DAB1: variants seen among roughly 807,000 people sequenced by gnomAD.
DAB1 encodes disabled homolog 1.
Under a neutral mutation model 64.6 loss-of-function variants are expected in DAB1, and 15 were observed. The ratio of observed to expected loss-of-function variants is 0.23; its 90% confidence interval spans 0.16 to 0.36. DAB1 has a LOEUF of 0.36. Among genes scored for constraint, DAB1 ranks in the 10% least tolerant of loss-of-function variants. DAB1 has a pLI of 1.00. For missense variants in DAB1, 596 were observed against 706.7 expected, an observed-to-expected ratio of 0.84 and a Z score of 1.78; for synonymous variants, 235 against 251.9, an observed-to-expected ratio of 0.93 and a Z score of 0.64.
intron 6 of DAB1, among the ~76,000 whole-genome samples, chr1:57,661,377 T>C (rs1359043674): frequency 6.6e-6 from 1 of 152,226 alleles, no homozygotes; most frequent in African/African-American, 2.4e-5. Context: ...AACTATAAAA[T>C]GGGGATGATT....
chr1:58,246,422 G>T (rs913255739), intron 4 of DAB1, among the ~76,000 whole-genome samples: 2 of 152,210 alleles, frequency 1.3e-5, no homozygotes, highest in African/African-American at 4.8e-5. Context: ...CCTCTGAGTG[G>T]ATGTCACTTT....
intron 3 of DAB1, among the ~76,000 whole-genome samples, chr1:58,422,784 G>A (rs1189059049): frequency 6.6e-6 from 1 of 151,296 alleles, no homozygotes; most frequent in Non-Finnish European, 1.5e-5. Flanking sequence ...CTGTTTGGTG[G>A]ACAGTGGAGC....
intron 1 of DAB1, chr1:58,538,900 G>A (rs536820476): frequency 1.1e-6 from 1 of 872,850 alleles, no homozygotes; most frequent in Non-Finnish European, 2.0e-6. Flanking sequence ...ATTCCTAATA[G>A]CTCTTATGGA....
chr1:57,107,021 T>A (rs1281351544), intron 4 of DAB1, among the ~76,000 whole-genome samples: 1 of 152,102 alleles, frequency 6.6e-6, no homozygotes, highest in Non-Finnish European at 1.5e-5. Flanking sequence ...TTGATATCTC[T>A]AATTGATAGA....
chr1:57,915,037 G>A (rs1455730910), intron 5 of DAB1, among the ~76,000 whole-genome samples: 1 of 150,526 alleles, frequency 6.6e-6, no homozygotes, highest in Non-Finnish European at 1.5e-5. Context: ...AACCAAATAA[G>A]CCGAAGCGAG....
At chr1:57,695,480 T>C (rs761195147) in intron 6 of DAB1, among the ~76,000 whole-genome samples, 1 of 152,082 alleles carries the variant, frequency 6.6e-6, no homozygotes, top group East Asian at 1.9e-4. Flanking sequence ...GTATAACTGG[T>C]ATGACTGTAG....
At chr1:57,848,629 G>C (rs769852735) in intron 1 of DAB1, among the ~76,000 whole-genome samples, 5 of 152,138 alleles carry the variant, frequency 3.3e-5, no homozygotes, top group Non-Finnish European at 7.4e-5. Flanking sequence ...GAGTTACCAA[G>C]AGCAATGACT....
chr1:57,884,091 C>A (rs531804065), upstream of DAB1: 2 of 152,372 alleles, frequency 1.3e-5, no homozygotes, highest in East Asian at 3.9e-4. Context: ...ACTGAAGAAG[C>A]TGGATGATGT....
intron 7 of DAB1, among the ~76,000 whole-genome samples, chr1:57,430,594 G>A (rs945237417): frequency 1.3e-5 from 2 of 151,994 alleles, no homozygotes; most frequent in Non-Finnish European, 2.9e-5. Flanking sequence ...AGCCAGGATG[G>A]TCTCGATCTC....
At position 58,025,561 on chromosome 1, in the gene DAB1, G is replaced by C. The variant is rs3990963; in HGVS notation, n.387+124950C>G. Among the ~76,000 whole-genome samples, 4 of 145,584 alleles carry C rather than the reference G, an allele frequency of 2.7e-5. No homozygotes were observed. In the East Asian group the frequency reaches 7.9e-4, roughly 29 times the overall value. ...ATAAATATAATATTATATATATATA[G>C]AGAGAGAGCCTTTCATATATTTTAT... On this transcript the variant is annotated intron_variant and non_coding_transcript_variant, in intron 5 of 20. Transcript: ENST00000485760.
At chr1:57,501,668 G>A (rs940575209) in intron 7 of DAB1, among the ~76,000 whole-genome samples, 16 of 152,094 alleles carry the variant, frequency 1.1e-4, no homozygotes, top group Non-Finnish European at 2.2e-4. Flanking sequence ...TTGTTATAAG[G>A]CTTCGTAAAA....
chr1:57,310,694 A>G (rs935688557), intron 1 of DAB1, among the ~76,000 whole-genome samples: 7 of 152,196 alleles, frequency 4.6e-5, no homozygotes, highest in Admixed American at 1.3e-4. Flanking sequence ...CTATCCCACT[A>G]ACCCTGCTCC....
chr1:57,806,549 C>G lies in DAB1; in HGVS notation n.551+77450G>C, dbSNP rs996388604. ...GAAGAGATTCTCTCCTCACTGCCCT[C>G]AAAAGAAACCAACCCTATTGACACT... On this transcript the variant is annotated intron_variant and non_coding_transcript_variant, in intron 6 of 20. Coordinates refer to the DAB1 transcript ENST00000485760. 3.3e-5 allele frequency among the ~76,000 whole-genome samples: 5 copies of G among 152,312 alleles called. No individual in the cohort carries two copies. In the South Asian group the frequency reaches 1.0e-3, roughly 32 times the overall value.
chr1:58,151,290 C>A (rs774629690), intron 4 of DAB1, among the ~76,000 whole-genome samples: 1 of 152,206 alleles, frequency 6.6e-6, no homozygotes, highest in African/African-American at 2.4e-5. Context: ...AATGGTTGAA[C>A]TAGTTTACAG....
At position 57,466,543 on chromosome 1, in the gene DAB1, T is replaced by C. The variant is rs1686959837; in HGVS notation, n.626-175377A>G. On this transcript the variant is annotated intron_variant and non_coding_transcript_variant, in intron 7 of 20. Transcript: ENST00000485760. ...TTTTCAATTGCTGCATAAGAAATTA[T>C]CACAAATTCACCAGCTTAAAACAAC... Among the ~76,000 whole-genome samples, 2 of 152,208 alleles carry C rather than the reference T, an allele frequency of 1.3e-5. 1 individual carries two copies. Among genetic ancestry groups the C allele is most frequent in the Admixed American group, 1.3e-4 (2 of 15,272 alleles).
chr1:57,343,846 G>T (rs951238045), intron 1 of DAB1, among the ~76,000 whole-genome samples: 1 of 152,242 alleles, frequency 6.6e-6, no homozygotes, highest in Non-Finnish European at 1.5e-5. Context: ...AGCCCAGAAA[G>T]CGGCTCCCAC....
chr1:57,562,419 A>G (rs539979203), intron 7 of DAB1, among the ~76,000 whole-genome samples: 3 of 152,332 alleles, frequency 2.0e-5, no homozygotes, highest in South Asian at 2.1e-4. Context: ...GCTCATGCTC[A>G]TGGAATTTAC....
chr1:57,472,289 T>A (rs1687166026), intron 7 of DAB1, among the ~76,000 whole-genome samples: 1 of 152,184 alleles, frequency 6.6e-6, no homozygotes, highest in African/African-American at 2.4e-5. Context: ...TCATGGAGGG[T>A]CATTCCAGAA....
chr1:58,200,018 T>C (rs1657912673), intron 4 of DAB1, among the ~76,000 whole-genome samples: 1 of 152,134 alleles, frequency 6.6e-6, no homozygotes, highest in Non-Finnish European at 1.5e-5. Context: ...TGGACATCAC[T>C]TCCACTCATA....
Sources: gnomAD v4.1 joint callset for allele counts (sites outside exome capture counted in the v4.1 genomes callset) on GRCh38, gnomAD v4.1.1 for gene constraint, MANE v1.5 for transcripts, NCBI Gene and HGNC (gene_info 2026-07-23, HGNC 2026-07-21) for gene names.